SUPT16H: variants seen among roughly 807,000 people sequenced by gnomAD.
SUPT16H encodes FACT complex subunit SPT16.
In SUPT16H, 24 loss-of-function variants were observed where a neutral mutation model predicts 136.2. That is an observed-to-expected ratio of 0.18 (90% CI 0.13 to 0.25). SUPT16H has a LOEUF of 0.25. Ranked by LOEUF, SUPT16H falls within the 10% of genes least tolerant of loss-of-function variation. The pLI is 1.00. For missense variants in SUPT16H, 623 were observed against 1,270.2 expected, an observed-to-expected ratio of 0.49 and a Z score of 7.74; for synonymous variants, 415 against 428.2, an observed-to-expected ratio of 0.97 and a Z score of 0.38.
rs760121235 is a variant in SUPT16H at position 21,357,193 on chromosome 14, T to C, written c.2660+4A>G. 1 of 1,581,368 alleles carries C rather than the reference T, an allele frequency of 6.3e-7. No homozygotes were observed. The highest frequency in any genetic ancestry group is 1.2e-5 in the South Asian group (1 of 85,814). The stretch of plus-strand genomic sequence containing the variant: ...AATGGGAGACTGATGGCAGATTTAC[T>C]TACTTCAACCATTCCTTGATGGGGT... On this transcript the variant is annotated splice_donor_region_variant and intron_variant, in intron 22 of 25. Transcript: ENST00000216297.
rs1273117091 is a variant in SUPT16H at position 21,353,519 on chromosome 14, A to G, written c.2967T>C (p.Asp989=). 1 of 1,614,102 alleles carries G rather than the reference A, an allele frequency of 6.2e-7. No individual in the cohort carries two copies. ...GGGCTTCTTCCTCCAGTTCATCCCA[A>G]TCCTTTCCACTCTCTTCTTCACTAC... ...SLGSEEESGK[D]WDELEEEARK... The change falls in exon 25 of 26, where the codon GAT becomes GAC. Residue 989 remains aspartate (D), a synonymous_variant. Transcript: ENST00000216297.
chr14:21,383,702 G>A, intron 1 of SUPT16H, 160 bp downstream of exon 1: 3 of 795,660 alleles, frequency 3.8e-6, no homozygotes, highest in Non-Finnish European at 6.6e-6. Flanking sequence ...AAGGGGCAGC[G>A]TTCGTGGCCG....
chr14:21,381,155 G>A (rs1887014424), intron 1 of SUPT16H, among the ~76,000 whole-genome samples: 1 of 151,966 alleles, frequency 6.6e-6, no homozygotes, highest in Non-Finnish European at 1.5e-5. Flanking sequence ...ATTTTTGACT[G>A]ACTCCATTTT....
chr14:21,368,776 T>C (rs1886726210), intron 6 of SUPT16H, among the ~76,000 whole-genome samples: 1 of 152,200 alleles, frequency 6.6e-6, no homozygotes, highest in African/African-American at 2.4e-5. Context: ...CCTCTATGAA[T>C]TGTGAGTTGT....
intron 2 of SUPT16H, among the ~76,000 whole-genome samples, chr14:21,373,087 G>A (rs1886822234): frequency 6.6e-6 from 1 of 152,076 alleles, no homozygotes; most frequent in Non-Finnish European, 1.5e-5. Context: ...GGGACTACAG[G>A]TGCACACCCC....
intron 4 of SUPT16H, 30 bp from the exon 5 acceptor site, chr14:21,369,926 A>G (rs746004192): frequency 1.2e-6 from 2 of 1,608,766 alleles, no homozygotes; most frequent in South Asian, 2.2e-5. Flanking sequence ...AGTTTCTAAC[A>G]TGCAAGTACA....
chr14:21,366,415 A>C, intron 8 of SUPT16H, 24 bp downstream of exon 8: 3 of 1,607,296 alleles, frequency 1.9e-6, no homozygotes, highest in South Asian at 2.2e-5. Context: ...TGACTCAAGA[A>C]TGACAATAGA....
chr14:21,374,308 C>A (rs1886852897), intron 1 of SUPT16H, among the ~76,000 whole-genome samples: 1 of 152,254 alleles, frequency 6.6e-6, no homozygotes, highest in South Asian at 2.1e-4. Context: ...TTGTCAACCT[C>A]AATACCAATG....
At position 21,362,815 on chromosome 14, in the gene SUPT16H, C is replaced by T. The variant is rs200061228; in HGVS notation, c.1644G>A (p.Pro548=). 23 of 1,607,582 alleles carry T rather than the reference C, an allele frequency of 1.4e-5. No individual in the cohort carries two copies. Among genetic ancestry groups the T allele is most frequent in the African/African-American group, 5.3e-5 (4 of 74,832 alleles). The change falls in exon 14 of 26, where the codon CCG becomes CCA. Residue 548 remains proline (P), a synonymous_variant. Coordinates refer to ENST00000216297, the MANE Select transcript of SUPT16H (RefSeq NM_007192.4). ...GTACCTTGATTGTGGCAATGTGAAA[C>T]GGTGTTGCAATGCCAAACACGGGCA... The part of the protein sequence containing the change: ...VIMPVFGIAT[P]FHIATIKNIS...
At position 21,370,307 on chromosome 14, in the gene SUPT16H, T is replaced by A. The variant is rs199989777; in HGVS notation, c.483+29A>T. The A allele has an allele frequency of 2.6e-5, 42 of 1,603,848 alleles. 2 individuals carry two copies. In the Middle Eastern group the frequency reaches 6.7e-4, roughly 26 times the overall value. On this transcript the variant is annotated intron_variant, in intron 4 of 25. Transcript: ENST00000216297. ...ATCACATTTCTGTCTTCTCAACTCT[T>A]GATTTGCTATTTCCAGTAGTATTCT...
At chr14:21,355,513 T>TAAAAAAAAAAAAAAAAAAA (rs59639210) in intron 22 of SUPT16H, among the ~76,000 whole-genome samples, 4 of 113,588 alleles carry the variant, frequency 3.5e-5, no homozygotes, top group South Asian at 2.8e-4. Flanking sequence ...ATAATAATAA[T>TAAAAAAAAAAAAAAAAAAA]AAAAAAAAAA....
rs61971518 is a variant in SUPT16H at position 21,361,259 on chromosome 14, G to C, written c.1794-46C>G. The stretch of plus-strand genomic sequence containing the variant: ...TTATAGACATTTCTTTTTCAGGCCA[G>C]GGAAATTGTACTGATTTACTTTATC... On this transcript the variant is annotated intron_variant, in intron 15 of 25. Transcript: ENST00000216297. The C allele has an allele frequency of 1.9e-5, 31 of 1,604,844 alleles. No homozygotes were observed. In the African/African-American group the frequency reaches 2.8e-4, roughly 15 times the overall value.
intron 1 of SUPT16H, among the ~76,000 whole-genome samples, chr14:21,378,167 T>TG (rs1052608901): frequency 1.3e-5 from 2 of 150,952 alleles, no homozygotes; most frequent in Non-Finnish European, 1.5e-5. Flanking sequence ...CAGGATAATG[T>TG]GGGGGGTGGA....
At chr14:21,369,929 C>T in intron 4 of SUPT16H, 33 bp from the exon 5 acceptor site, 1 of 1,607,906 alleles carries the variant, frequency 6.2e-7, no homozygotes, top group Non-Finnish European at 8.5e-7. Flanking sequence ...TTCTAACATG[C>T]AAGTACAGAA....
chr14:21,368,051 C>T (rs1337534402), intron 7 of SUPT16H, among the ~76,000 whole-genome samples: 2 of 152,072 alleles, frequency 1.3e-5, no homozygotes, highest in Non-Finnish European at 2.9e-5. Context: ...GTAGCTGGGA[C>T]CACAGGCGTG....
Position 21,368,295 on chromosome 14 carries a change from T to C in SUPT16H, c.929A>G (p.Glu310Gly). The change falls in exon 7 of 26, where the codon GAG becomes GGG. Residue 310 changes from glutamate to glycine, a missense_variant. Transcript: ENST00000216297. ...ATGTCTTAATTCCTTCAGCAGCTCC[T>C]CTTGAAGCTGGAGCAAAAAGTTATA... Reference protein sequence around the residue: ...ENYNFLLQLQEELLKELRHGV... With the variant: ...ENYNFLLQLQGELLKELRHGV... 1.2e-6 allele frequency: 2 copies of C among 1,613,578 alleles called. No homozygotes were observed. The highest frequency in any genetic ancestry group is 1.7e-6 in the Non-Finnish European group (2 of 1,179,792).
intron 1 of SUPT16H, among the ~76,000 whole-genome samples, chr14:21,376,475 T>C (rs2139417601): frequency 6.6e-6 from 1 of 152,296 alleles, no homozygotes; most frequent in Middle Eastern, 3.4e-3. Context: ...GAGTGTTCTG[T>C]TGTATTTCTC....
intron 8 of SUPT16H, 55 bp downstream of exon 8, chr14:21,366,384 A>G (rs1886667131): frequency 3.3e-6 from 5 of 1,503,932 alleles, no homozygotes; most frequent in Non-Finnish European, 4.6e-6. Context: ...AAGACTGACC[A>G]CTGACAGTCT....
chr14:21,369,986 T>G lies in SUPT16H; in HGVS notation c.484-90A>C, dbSNP rs1566390454. ...CCAATTTGAATATTACCAGTGATATTTCTGTTATTTAGCAAACTATCACTG... is the reference window on the plus strand; with the variant it reads ...CCAATTTGAATATTACCAGTGATATGTCTGTTATTTAGCAAACTATCACTG... On this transcript the variant is annotated intron_variant, in intron 4 of 25. Coordinates refer to ENST00000216297, the MANE Select transcript of SUPT16H (RefSeq NM_007192.4). 6 of 1,463,802 alleles carry G rather than the reference T, an allele frequency of 4.1e-6. No individual in the cohort carries two copies. In the Middle Eastern group the frequency reaches 5.3e-4, roughly 129 times the overall value. The allele number at this position is 1,463,802 out of a possible 1,614,324, so 90.7% of individuals were successfully genotyped here.
Sources: allele counts gnomAD v4.1 joint callset (sites outside exome capture counted in the v4.1 genomes callset), GRCh38; gene constraint gnomAD v4.1.1; transcripts MANE v1.5; gene names NCBI Gene and HGNC (gene_info 2026-07-23, HGNC 2026-07-21).